SOS1: variants seen among roughly 807,000 people sequenced by gnomAD.
The protein encoded by SOS1 is SOS Ras/Rac guanine nucleotide exchange factor 1, also known as son of sevenless homolog 1.
A neutral mutation model predicts 157.6 loss-of-function variants in SOS1; 25 were observed. The observed-to-expected ratio is 0.16, with a 90% CI of 0.12 to 0.22. The LOEUF is 0.22. Ranked by LOEUF, SOS1 falls within the 10% of genes least tolerant of loss-of-function variation. SOS1 has a pLI of 1.00. For missense variants in SOS1, 1,237 were observed against 1,599.1 expected, an observed-to-expected ratio of 0.77 and a Z score of 3.86; for synonymous variants, 528 against 534.0, an observed-to-expected ratio of 0.99 and a Z score of 0.16.
intron 6 of SOS1, among the ~76,000 whole-genome samples, chr2:39,039,076 T>C (rs1450597202): frequency 6.6e-6 from 1 of 152,176 alleles, no homozygotes; most frequent in Non-Finnish European, 1.5e-5. Flanking sequence ...TATGACTCAC[T>C]GAAGGCTGAG....
intron 8 of SOS1, among the ~76,000 whole-genome samples, chr2:39,028,525 T>C (rs1218007456): frequency 6.6e-6 from 1 of 152,204 alleles, no homozygotes; most frequent in Non-Finnish European, 1.5e-5. Context: ...CAACATGGCA[T>C]TGTATACAAC....
At position 38,994,070 on chromosome 2, in the gene SOS1, T is replaced by C. The variant is rs143931156; in HGVS notation, c.3346+1053A>G. On this transcript the variant is annotated intron_variant, in intron 20 of 22. Transcript: ENST00000402219. The stretch of plus-strand genomic sequence containing the variant: ...TAGCCACATGTGATTATTGAGCATC[T>C]GACTGTGGCTTGTCTGAACTGAGAT... 4.6e-5 allele frequency among the ~76,000 whole-genome samples: 7 copies of C among 152,354 alleles called. No individual in the cohort carries two copies. The East Asian group carries it at 9.6e-4, about 21-fold the overall frequency.
chr2:39,102,877 C>G (rs192945152), intron 1 of SOS1, among the ~76,000 whole-genome samples: 1 of 152,020 alleles, frequency 6.6e-6, no homozygotes, highest in Non-Finnish European at 1.5e-5. Flanking sequence ...ATTGCTGGAG[C>G]CCAGGAAGTT....
In SOS1 at chr2:39,104,512, T is replaced by C. The variant is rs554844357; in HGVS notation, c.87+15824A>G. Among the ~76,000 whole-genome samples the C allele has an allele frequency of 3.5e-4, 53 of 152,258 alleles. No homozygotes were observed. The East Asian group carries it at 9.5e-3, about 27-fold the overall frequency. On this transcript the variant is annotated intron_variant, in intron 1 of 22. Coordinates refer to ENST00000402219, the MANE Select transcript of SOS1 (RefSeq NM_005633.4). ...GACATGTGTACATTGCTGGTAGGAATGTAAAATATTGCAGGTTCTGTGAAA... is the reference window on the plus strand; with the variant it reads ...GACATGTGTACATTGCTGGTAGGAACGTAAAATATTGCAGGTTCTGTGAAA...
intron 5 of SOS1, among the ~76,000 whole-genome samples, chr2:39,053,462 T>A (rs1671093490): frequency 6.6e-6 from 1 of 152,220 alleles, no homozygotes; most frequent in African/African-American, 2.4e-5. Context: ...AAAGCAACCT[T>A]ATTGAAACAT....
intron 1 of SOS1, among the ~76,000 whole-genome samples, chr2:39,077,376 G>A (rs1672044379): frequency 6.6e-6 from 1 of 151,032 alleles, no homozygotes; most frequent in Non-Finnish European, 1.5e-5. Flanking sequence ...AAACTTTAAT[G>A]AATGACATTT....
chr2:39,090,080 T>C (rs1572885008), intron 1 of SOS1, among the ~76,000 whole-genome samples: 1 of 146,262 alleles, frequency 6.8e-6, no homozygotes, highest in East Asian at 2.0e-4. Context: ...GCAGAGGTTG[T>C]GGTAAGCTGA....
chr2:39,015,738 A>T (rs1669610625), intron 10 of SOS1, among the ~76,000 whole-genome samples: 1 of 149,566 alleles, frequency 6.7e-6, no homozygotes, highest in Non-Finnish European at 1.5e-5. Flanking sequence ...CTCCCATAAT[A>T]GGGGGGAGAA....
At chr2:39,036,618 G>A (rs1355903613) in intron 6 of SOS1, among the ~76,000 whole-genome samples, 1 of 148,246 alleles carries the variant, frequency 6.7e-6, no homozygotes, top group Non-Finnish European at 1.5e-5. Flanking sequence ...CTGTCGGCCA[G>A]GCTGGAGTGC....
intron 8 of SOS1, among the ~76,000 whole-genome samples, chr2:39,024,610 A>G (rs555386691): frequency 1.3e-5 from 2 of 152,236 alleles, no homozygotes; most frequent in South Asian, 4.2e-4. Flanking sequence ...AGGAATCTCA[A>G]TTACAAAATC....
chr2:39,109,910 C>G (rs1370392185), intron 1 of SOS1, among the ~76,000 whole-genome samples: 1 of 151,980 alleles, frequency 6.6e-6, no homozygotes, highest in African/African-American at 2.4e-5. Flanking sequence ...TTTAAAAGAA[C>G]AAAATTGGAG....
At position 38,982,993 on chromosome 2, in the gene SOS1, A is replaced by C. The variant is rs1468355296; in HGVS notation, c.*2831T>G. 1 of 152,166 alleles carries C rather than the reference A, an allele frequency of 6.6e-6. No individual in the cohort carries two copies. Among genetic ancestry groups the C allele is most frequent in the Non-Finnish European group, 1.5e-5 (1 of 68,014 alleles). 9.4% of individuals were successfully genotyped at this position (152,166 alleles called of 1,614,324 possible). A position where few individuals can be genotyped will look rare whatever the true frequency, so the allele number is the denominator to read the frequency against. On this transcript the variant is annotated 3_prime_UTR_variant, in exon 23 of 23. Coordinates refer to ENST00000402219, the MANE Select transcript of SOS1 (RefSeq NM_005633.4). ...ATCCTTGAGTTGTTAGAGAATAGTAACCTACTAAACATAATTTGATGCCCA... is the reference window on the plus strand; with the variant it reads ...ATCCTTGAGTTGTTAGAGAATAGTACCCTACTAAACATAATTTGATGCCCA...
At chr2:39,031,816 T>C (rs372019833) in intron 8 of SOS1, among the ~76,000 whole-genome samples, 7 of 152,170 alleles carry the variant, frequency 4.6e-5, no homozygotes, top group East Asian at 1.9e-4. Context: ...TAAATTAAAC[T>C]TCACATACAA....
chr2:39,094,825 ATAACT>A (rs1659682007), intron 1 of SOS1, among the ~76,000 whole-genome samples: 1 of 152,306 alleles, frequency 6.6e-6, no homozygotes, highest in East Asian at 1.9e-4. Context: ...CTATTTACAA[ATAACT>A]TAGCCACATA....
At chr2:39,066,420 C>T (rs948114502) in intron 2 of SOS1, among the ~76,000 whole-genome samples, 16 of 152,186 alleles carry the variant, frequency 1.1e-4, no homozygotes, top group Middle Eastern at 3.2e-3. Context: ...TTCATCATTG[C>T]CAGGGAACTC....
chr2:39,030,708 C>A (rs1324092936), intron 8 of SOS1, among the ~76,000 whole-genome samples: 11 of 151,942 alleles, frequency 7.2e-5, no homozygotes, highest in Non-Finnish European at 1.6e-4. Context: ...TGAATTGTGT[C>A]CCCCATGAAA....
Position 39,024,152 on chromosome 2 carries a change from T to G in SOS1, c.1075-15A>C. The G allele has an allele frequency of 6.2e-7, 1 of 1,602,562 alleles. No homozygotes were observed. Among genetic ancestry groups the G allele is most frequent in the Non-Finnish European group, 8.5e-7 (1 of 1,170,022 alleles). ...TCTTCTAACTGCTGTAAAGCCAAAA[T>G]GACAAATCTGAACCAGTAGTACATT... On this transcript the variant is annotated splice_polypyrimidine_tract_variant and intron_variant, in intron 8 of 22. Coordinates refer to ENST00000402219, the MANE Select transcript of SOS1 (RefSeq NM_005633.4).
Position 39,120,507 on chromosome 2 carries a change from A to G in SOS1, c.-85T>C. 8.1e-7 allele frequency: 1 copy of G among 1,228,102 alleles called. No homozygotes were observed. The highest frequency in any genetic ancestry group is 1.0e-6 in the Non-Finnish European group (1 of 983,346). The allele number at this position is 1,228,102 out of a possible 1,614,324, so 76.1% of individuals were successfully genotyped here. ...GCGAGAGGGCGAGCTCGCAGCGCGG[A>G]ACAGGGCCGCGGCCCCACCGGACGG... is the stretch of plus-strand genomic sequence containing the variant. On this transcript the variant is annotated 5_prime_UTR_variant, in exon 1 of 23. Coordinates refer to ENST00000402219, the MANE Select transcript of SOS1 (RefSeq NM_005633.4).
At chr2:39,094,307 A>G (rs974802295) in intron 1 of SOS1, among the ~76,000 whole-genome samples, 3 of 152,148 alleles carry the variant, frequency 2.0e-5, no homozygotes, top group African/African-American at 7.2e-5. Context: ...ATTGATGGGT[A>G]TAATGCATAC....
Sources: allele counts gnomAD v4.1 joint callset (sites outside exome capture counted in the v4.1 genomes callset), GRCh38; gene constraint gnomAD v4.1.1; transcripts MANE v1.5; gene names NCBI Gene and HGNC (gene_info 2026-07-23, HGNC 2026-07-21).